Variants in TAF4 observed in about 807,000 individuals in gnomAD.
The protein encoded by TAF4 is TATA-box binding protein associated factor 4.
A neutral mutation model predicts 90.3 loss-of-function variants in TAF4; 9 were observed. That is an observed-to-expected ratio of 0.10 (90% CI 0.06 to 0.17). The LOEUF (loss-of-function observed/expected upper bound fraction) is 0.17, where lower values mean the gene tolerates loss of function less well. Among genes scored for constraint, TAF4 ranks in the 10% least tolerant of loss-of-function variants. TAF4 has a pLI of 1.00. For missense variants in TAF4, 1,351 were observed against 1,370.7 expected (o/e 0.99, Z 0.23); for synonymous variants, 818 against 638.9 (o/e 1.28, Z -4.23).
In TAF4 at chr20:62,014,543, T is replaced by C. The variant is rs1214120535; in HGVS notation, c.1521+4A>G. The C allele has an allele frequency of 6.2e-7, 1 of 1,602,362 alleles. No individual in the cohort carries two copies. The highest frequency in any genetic ancestry group is 1.3e-5 in the African/African-American group (1 of 74,422). On this transcript the variant is annotated splice_donor_region_variant and intron_variant, in intron 2 of 14. Coordinates refer to ENST00000252996, the MANE Select transcript of TAF4 (RefSeq NM_003185.4). ...TTCGCACTCCAGGGCACACGTGCACTCACCTGTACGGTGGAGATCTGGACG... is the reference window on the plus strand; with the variant it reads ...TTCGCACTCCAGGGCACACGTGCACCCACCTGTACGGTGGAGATCTGGACG...
chr20:61,985,931 C>T (rs560745726), intron 14 of TAF4, among the ~76,000 whole-genome samples: 1 of 151,984 alleles, frequency 6.6e-6, no homozygotes, highest in East Asian at 1.9e-4. Flanking sequence ...GAAGCACCAT[C>T]CCCGACCAAA....
At chr20:62,062,272 A>G (rs2056093057) in intron 1 of TAF4, among the ~76,000 whole-genome samples, 1 of 152,230 alleles carries the variant, frequency 6.6e-6, no homozygotes, top group South Asian at 2.1e-4. Context: ...GAACAATTTA[A>G]TATTCTCTGA....
chr20:62,043,738 A>G (rs527516142), intron 1 of TAF4, among the ~76,000 whole-genome samples: 55 of 152,336 alleles, frequency 3.6e-4, no homozygotes, highest in African/African-American at 1.2e-3. Context: ...CCCAGGAGCC[A>G]GGGGCCGCAC....
chr20:62,014,035 T>TGTGGGTGTGTGG (rs1568932225), intron 2 of TAF4, among the ~76,000 whole-genome samples: 8 of 138,964 alleles, frequency 5.8e-5, no homozygotes, highest in African/African-American at 2.4e-4. Flanking sequence ...TGTGTGTGTG[T>TGTGGGTGTGTGG]GTGTGTGTGT....
At chr20:62,041,181 C>A (rs1184472117) in intron 1 of TAF4, among the ~76,000 whole-genome samples, 3 of 152,222 alleles carry the variant, frequency 2.0e-5, no homozygotes, top group African/African-American at 7.2e-5. Context: ...GGGCCGACAG[C>A]AGAGGGCACA....
At chr20:62,039,238 G>A (rs1201107697) in intron 1 of TAF4, among the ~76,000 whole-genome samples, 1 of 152,212 alleles carries the variant, frequency 6.6e-6, no homozygotes, top group African/African-American at 2.4e-5. Flanking sequence ...GTGCTGAGCT[G>A]CAGAAGGGAA....
intron 1 of TAF4, among the ~76,000 whole-genome samples, chr20:62,053,089 G>C (rs1325401943): frequency 2.0e-5 from 3 of 152,134 alleles, no homozygotes; most frequent in Non-Finnish European, 4.4e-5. Context: ...AGGCACTGAG[G>C]AGATGCCATC....
At position 62,009,167 on chromosome 20, in the gene TAF4, A is replaced by G; in HGVS notation, c.1769T>C (p.Met590Thr). Residue 590 changes from methionine (M) to threonine (T), a missense_variant, in exon 5 of 15, where the codon ATG (methionine) becomes ACG (threonine). Physicochemically the swap from Met to Thr is moderately conservative, Grantham distance 81 (BLOSUM62 -1). Transcript: ENST00000252996. The stretch of plus-strand genomic sequence containing the variant: ...ATTTTTACATTTCTTCACGTTTTCC[A>G]TAGTTTCCTGGATTAAAGTAAAAAG... ...TTTSSAATET[M>T]ENVKKCKNFL... 2 of 1,608,654 alleles carry G rather than the reference A, an allele frequency of 1.2e-6. No individual in the cohort carries two copies. Among genetic ancestry groups the G allele is most frequent in the Non-Finnish European group, 1.7e-6 (2 of 1,178,448 alleles).
chr20:62,030,339 T>G (rs974888663), intron 1 of TAF4, among the ~76,000 whole-genome samples: 1 of 151,722 alleles, frequency 6.6e-6, no homozygotes, highest in African/African-American at 2.4e-5. Flanking sequence ...CCACCCAGAG[T>G]CAGGACACCA....
Position 61,976,072 on chromosome 20 carries a change from T to C in TAF4, c.*96A>G. On this transcript the variant is annotated 3_prime_UTR_variant, in exon 15 of 15. Coordinates refer to ENST00000252996, the MANE Select transcript of TAF4 (RefSeq NM_003185.4). The stretch of plus-strand genomic sequence containing the variant: ...ACAGGAATATAAAACTGTTCCATTG[T>C]AAAGAGGTGGCTGTTTTTTAAACAA... 7 of 1,339,506 alleles carry C rather than the reference T, an allele frequency of 5.2e-6. No homozygotes were observed. The highest frequency in any genetic ancestry group is 7.4e-6 in the Non-Finnish European group (7 of 947,286). 83.0% of individuals were successfully genotyped at this position (1,339,506 alleles called of 1,614,324 possible).
At chr20:62,043,411 TAA>T (rs942877430) in intron 1 of TAF4, among the ~76,000 whole-genome samples, 8 of 152,176 alleles carry the variant, frequency 5.3e-5, no homozygotes, top group African/African-American at 4.8e-5. Context: ...TTGAAAAAGT[TAA>T]GTTTATAAAG....
At chr20:62,008,891 A>T (rs2055762765) in intron 5 of TAF4, 161 bp downstream of exon 5, 3 of 918,936 alleles carry the variant, frequency 3.3e-6, no homozygotes, top group Non-Finnish European at 4.6e-6. Flanking sequence ...TAGGCCACAC[A>T]CGCCTTCGAC....
chr20:62,049,624 T>TCCTTGCCTGCCCCAGCCCCGCA (rs2056014553), intron 1 of TAF4, among the ~76,000 whole-genome samples: 2 of 59,908 alleles, frequency 3.3e-5, no homozygotes, highest in Admixed American at 1.6e-4. Flanking sequence ...ACGGCCCAGA[T>TCCTTGCCTGCCCCAGCCCCGCA]CCCTGCCTGC....
At chr20:62,015,148 C>CCTG (rs555676420) in intron 1 of TAF4, among the ~76,000 whole-genome samples, 33 of 152,324 alleles carry the variant, frequency 2.2e-4, no homozygotes, top group Non-Finnish European at 4.4e-4. Flanking sequence ...GGTCTCCCAG[C>CCTG]CTGCTGTCCT....
At chr20:62,013,193 G>C in intron 2 of TAF4, among the ~76,000 whole-genome samples, 1 of 152,314 alleles carries the variant, frequency 6.6e-6, no homozygotes, top group Middle Eastern at 3.4e-3. Flanking sequence ...TCTGAAGAAC[G>C]CAGGTATCTA....
At chr20:62,000,476 G>C (rs538409456) in intron 10 of TAF4, 76 bp downstream of exon 10, 37 of 1,509,144 alleles carry the variant, frequency 2.5e-5, no homozygotes, top group Non-Finnish European at 3.2e-5. Flanking sequence ...CAGGTGTCAG[G>C]TGTGCTCACC....
chr20:61,989,723 G>A (rs568591441), intron 14 of TAF4, among the ~76,000 whole-genome samples: 14 of 149,278 alleles, frequency 9.4e-5, no homozygotes, highest in African/African-American at 2.2e-4. Context: ...GAGGGATCCC[G>A]GCACCCACAG....
Position 62,065,334 on chromosome 20 carries a change from C to G in TAF4, c.477G>C (p.Lys159Asn). Residue 159 changes from lysine to asparagine, a missense_variant, in exon 1 of 15, where the codon AAG becomes AAC. Physicochemically the swap from Lys to Asn is moderately conservative, Grantham distance 94. Around this residue, in one of 9 missense-constraint regions of TAF4, gnomAD observed 782 missense variants for 536.6 expected, o/e 1.46. Coordinates refer to ENST00000252996, the MANE Select transcript of TAF4 (RefSeq NM_003185.4). The part of the protein sequence containing the change: ...GPEPAPAGPA[K>N]PAGPAALAAR... ...CGGCCAGCGCGGCGGGGCCGGCGGGCTTGGCGGGGCCGGCGGGGGCGGGCT... is the reference window on the plus strand; with the variant it reads ...CGGCCAGCGCGGCGGGGCCGGCGGGGTTGGCGGGGCCGGCGGGGGCGGGCT... 1.1e-6 allele frequency: 1 copy of G among 943,302 alleles called. No individual in the cohort carries two copies. The highest frequency in any genetic ancestry group is 1.2e-6 in the Non-Finnish European group (1 of 804,924). The allele number at this position is 943,302 out of a possible 1,614,324, so 58.4% of individuals were successfully genotyped here.
Position 61,975,280 on chromosome 20 carries a change from C to G in TAF4, c.*888G>C, listed in dbSNP as rs1233448477. ...ACATAGCCATTTCTATGTCATGTGC[C>G]AAAAGTTATGTACAATTACTGACAA... On this transcript the variant is annotated 3_prime_UTR_variant, in exon 15 of 15. Transcript: ENST00000252996. 6.6e-6 allele frequency: 1 copy of G among 152,070 alleles called. No individual in the cohort carries two copies. The highest frequency in any genetic ancestry group is 1.9e-4 in the East Asian group (1 of 5,188). 9.4% of individuals were successfully genotyped at this position (152,070 alleles called of 1,614,324 possible). A position where few individuals can be genotyped will look rare whatever the true frequency, so the allele number is the denominator to read the frequency against.
Sources: gnomAD v4.1 joint callset for allele counts (sites outside exome capture counted in the v4.1 genomes callset) on GRCh38, gnomAD v4.1.1 for gene constraint, gnomAD v4.1.1 regional missense constraint, MANE v1.5 for transcripts, NCBI Gene and HGNC (gene_info 2026-07-23, HGNC 2026-07-21) for gene names.